EVI5L: variants seen among roughly 807,000 people sequenced by gnomAD.
EVI5L encodes the protein ecotropic viral integration site 5 like, also known as EVI5-like protein.
EVI5L carries 30 observed loss-of-function variants against 106.1 expected under a neutral mutation model. That is an observed-to-expected ratio of 0.28 (90% confidence interval 0.21 to 0.38). The LOEUF (loss-of-function observed/expected upper bound fraction) is 0.38, where lower values mean the gene tolerates loss of function less well. EVI5L is among the 10% of genes least tolerant of loss of function. The pLI, the probability that EVI5L is intolerant of heterozygous loss-of-function variation, is 1.00. For synonymous variants in EVI5L, 489 were observed against 483.3 expected (o/e 1.01, Z -0.15); for missense variants, 809 against 1,098.0 (o/e 0.74, Z 3.72).
At chr19:7,859,126 G>A (rs1568243978) in intron 13 of EVI5L, 1 of 151,746 alleles carries the variant, frequency 6.6e-6, no homozygotes, top group Non-Finnish European at 1.5e-5. Flanking sequence ...GGGAGGTGGA[G>A]GTTGCAGTGA....
rs913406265 is a variant in EVI5L, at chr19:7,850,857, G to T, written c.754-577G>T. 1.3e-5 allele frequency among the ~76,000 whole-genome samples: 2 copies of T among 152,332 alleles called. No individual in the cohort carries two copies. The highest frequency in any genetic ancestry group is 4.8e-5 in the African/African-American group (2 of 41,572). ...ACTCAGGGCGCAGAGAGCCCCTGGC[G>T]CTGGGAGGAAGCCCGGGATCCTAAC... On this transcript the variant is annotated intron_variant, in intron 6 of 19. Transcript: ENST00000538904. The surrounding 1 kb of genome is among the most constrained non-coding windows in gnomAD (Gnocchi z 5.4).
At chr19:7,839,499 T>C (rs186102132) in intron 1 of EVI5L, among the ~76,000 whole-genome samples, 4 of 152,050 alleles carry the variant, frequency 2.6e-5, no homozygotes, top group South Asian at 2.1e-4. Context: ...CATCTCACCA[T>C]TGGGAGCTGC....
intron 10 of EVI5L, 113 bp from the exon 11 acceptor site, chr19:7,855,902 C>A: frequency 1.1e-6 from 1 of 945,574 alleles, no homozygotes; most frequent in Non-Finnish European, 1.4e-6. Context: ...TGTGCCCTGC[C>A]CGGAAAAGTG....
rs1409322948 is a variant in EVI5L, at chr19:7,850,314, T to C, written c.753+192T>C. Among the ~76,000 whole-genome samples, 3 of 152,098 alleles carry C rather than the reference T, an allele frequency of 2.0e-5. No homozygotes were observed. The highest frequency in any genetic ancestry group is 2.9e-5 in the Non-Finnish European group (2 of 68,010). Reference sequence around the variant, plus strand: ...ACTCCAAAAGGCACTCCTCTTTCCATGCAGCACTGCCCTGAAGGATGCTTG... The same window carrying C: ...ACTCCAAAAGGCACTCCTCTTTCCACGCAGCACTGCCCTGAAGGATGCTTG... On this transcript the variant is annotated intron_variant, in intron 6 of 19. Coordinates refer to ENST00000538904, the MANE Select transcript of EVI5L (RefSeq NM_001159944.3). This position sits in a 1 kb window ranked among gnomAD's most constrained non-coding sequence, Gnocchi z 5.4.
Position 7,857,311 on chromosome 19 carries a change from G to A in EVI5L, c.1233+187G>A. 1 of 720,924 alleles carries A rather than the reference G, an allele frequency of 1.4e-6. No individual in the cohort carries two copies. The highest frequency in any genetic ancestry group is 2.4e-6 in the Non-Finnish European group (1 of 421,984). The allele number at this position is 720,924 out of a possible 1,614,324, so 44.7% of individuals were successfully genotyped here. ...CGGGGGGGCGGGGCATGTGAAGTGG[G>A]GAGAAGGGTGTGTGTGGAGGGGCTG... On this transcript the variant is annotated intron_variant, in intron 12 of 19. Coordinates refer to ENST00000538904, the MANE Select transcript of EVI5L (RefSeq NM_001159944.3). The surrounding 1 kb of genome is among the most constrained non-coding windows in gnomAD (Gnocchi z 4.5).
At chr19:7,836,406 C>A (rs1978346575) in intron 1 of EVI5L, among the ~76,000 whole-genome samples, 1 of 152,192 alleles carries the variant, frequency 6.6e-6, no homozygotes, top group Admixed American at 6.5e-5. Flanking sequence ...CACTGAGTAA[C>A]CCCTGCACTT....
chr19:7,841,777 A>T (rs1978611451), intron 1 of EVI5L, among the ~76,000 whole-genome samples: 1 of 152,208 alleles, frequency 6.6e-6, no homozygotes, highest in Non-Finnish European at 1.5e-5. Flanking sequence ...GGAGATGGAG[A>T]TGGGGCCTCC....
chr19:7,833,121 G>A (rs935775142), intron 1 of EVI5L, among the ~76,000 whole-genome samples: 4 of 152,208 alleles, frequency 2.6e-5, no homozygotes, highest in African/African-American at 7.2e-5. Flanking sequence ...AGTTTTACCC[G>A]AGACTGGGCT....
At chr19:7,838,342 C>T (rs1203053978) in intron 1 of EVI5L, among the ~76,000 whole-genome samples, 1 of 152,080 alleles carries the variant, frequency 6.6e-6, no homozygotes, top group African/African-American at 2.4e-5. Context: ...AACTCCTGAC[C>T]TCAAGTGATC....
intron 1 of EVI5L, among the ~76,000 whole-genome samples, chr19:7,830,836 C>T (rs1366063824): frequency 6.8e-6 from 1 of 145,990 alleles, no homozygotes; most frequent in Non-Finnish European, 1.5e-5. Flanking sequence ...ACCCCCTCCC[C>T]GCACCCCCTC....
rs571130180 is a variant in EVI5L at position 7,857,897 on chromosome 19, G to A, written c.1234-294G>A. On this transcript the variant is annotated intron_variant, in intron 12 of 19. Coordinates refer to ENST00000538904, the MANE Select transcript of EVI5L (RefSeq NM_001159944.3). The surrounding 1 kb of genome is among the most constrained non-coding windows in gnomAD (Gnocchi z 4.5). ...GTGGCCTCGCTGTGCCCCTGGATAAGGATCCCAACTGGGGCAGAGACTGAG... is the reference window on the plus strand; with the variant it reads ...GTGGCCTCGCTGTGCCCCTGGATAAAGATCCCAACTGGGGCAGAGACTGAG... The A allele has an allele frequency of 1.0e-5, 4 of 398,728 alleles. No individual in the cohort carries two copies. Among genetic ancestry groups the A allele is most frequent in the African/African-American group, 4.1e-5 (2 of 48,502 alleles). 24.7% of individuals were successfully genotyped at this position (398,728 alleles called of 1,614,324 possible).
At position 7,856,486 on chromosome 19, in the gene EVI5L, G is replaced by A. The variant is rs1422330664; in HGVS notation, c.1200+418G>A. 6.6e-6 allele frequency among the ~76,000 whole-genome samples: 1 copy of A among 152,062 alleles called. No individual in the cohort carries two copies. The highest frequency in any genetic ancestry group is 1.5e-5 in the Non-Finnish European group (1 of 68,010). ...GGAAAGGAAACCCAGTGGAGGAGAA[G>A]CGTGGCGCCATGGTGGGGAGCCACA... is the stretch of plus-strand genomic sequence containing the variant. On this transcript the variant is annotated intron_variant, in intron 11 of 19. Coordinates refer to ENST00000538904, the MANE Select transcript of EVI5L (RefSeq NM_001159944.3). The surrounding 1 kb of genome is among the most constrained non-coding windows in gnomAD (Gnocchi z 6.6).
At position 7,857,926 on chromosome 19, in the gene EVI5L, C is replaced by T; in HGVS notation, c.1234-265C>T. 1 of 468,920 alleles carries T rather than the reference C, an allele frequency of 2.1e-6. No homozygotes were observed. The highest frequency in any genetic ancestry group is 3.9e-6 in the Non-Finnish European group (1 of 259,564). The allele number at this position is 468,920 out of a possible 1,614,324, so 29.0% of individuals were successfully genotyped here. Reference sequence around the variant, plus strand: ...CCCAACTGGGGCAGAGACTGAGAGCCAGAGTGGGGAAGGAGATGGAGCTTT... The same window carrying T: ...CCCAACTGGGGCAGAGACTGAGAGCTAGAGTGGGGAAGGAGATGGAGCTTT... On this transcript the variant is annotated intron_variant, in intron 12 of 19. Transcript: ENST00000538904. This position sits in a 1 kb window ranked among gnomAD's most constrained non-coding sequence, Gnocchi z 4.5.
chr19:7,853,056 G>A, intron 8 of EVI5L, 30 bp from the exon 9 acceptor site: 1 of 1,612,824 alleles, frequency 6.2e-7, no homozygotes, highest in Non-Finnish European at 8.5e-7. Flanking sequence ...CTGCATGTTG[G>A]TGACCAGGTG....
Position 7,853,342 on chromosome 19 carries a change from AG to A in EVI5L, c.1146+13del, listed in dbSNP as rs1254223589. 6.2e-7 allele frequency: 1 copy of A among 1,605,922 alleles called. No homozygotes were observed. The highest frequency in any genetic ancestry group is 8.5e-7 in the Non-Finnish European group (1 of 1,176,956). On this transcript the variant is annotated intron_variant, in intron 10 of 19. Coordinates refer to ENST00000538904, the MANE Select transcript of EVI5L (RefSeq NM_001159944.3). Reference sequence around the variant, plus strand: ...AGCAGATCGAGATCAAAGTGAGTCCAGGGGCCCAGGGGCGGGGACAGGGATG... The same window carrying A: ...AGCAGATCGAGATCAAAGTGAGTCCAGGGCCCAGGGGCGGGGACAGGGATG...
intron 13 of EVI5L, among the ~76,000 whole-genome samples, chr19:7,859,729 C>T (rs1415362045): frequency 6.6e-6 from 1 of 152,260 alleles, no homozygotes; most frequent in East Asian, 1.9e-4. Flanking sequence ...TGAGCTCCAA[C>T]CTTGGGGGGA....
In EVI5L at chr19:7,842,778, G is replaced by A. The variant is rs111400279; in HGVS notation, c.-47-3718G>A. On this transcript the variant is annotated intron_variant, in intron 1 of 19. Transcript: ENST00000538904. ...TGGGTGTGTGTGTATATGAGTGTGC[G>A]TGCACAAATATGCATAAGCATGTGT... 5.8e-3 allele frequency among the ~76,000 whole-genome samples: 886 copies of A among 151,726 alleles called. 4 individuals are homozygous for A. Among genetic ancestry groups the A allele is most frequent in the Middle Eastern group, 0.017 (5 of 294 alleles).
At position 7,843,025 on chromosome 19, in the gene EVI5L, CGTGT is replaced by C. The variant is rs536953317; in HGVS notation, c.-47-3465_-47-3462del. On this transcript the variant is annotated intron_variant, in intron 1 of 19. Coordinates refer to ENST00000538904, the MANE Select transcript of EVI5L (RefSeq NM_001159944.3). ...GTGCATGTGTGTATAGGTGTGTGAG[CGTGT>C]GTGTGAGAGAATAGGCATGGCTGTG... Among the ~76,000 whole-genome samples the C allele has an allele frequency of 1.6e-3, 228 of 143,640 alleles. 2 individuals are homozygous for C. Among genetic ancestry groups the C allele is most frequent in the African/African-American group, 5.2e-3 (200 of 38,560 alleles). 94.2% of individuals were successfully genotyped at this position (143,640 alleles called of 152,430 possible).
intron 1 of EVI5L, among the ~76,000 whole-genome samples, chr19:7,843,824 G>A (rs1401348116): frequency 6.6e-6 from 1 of 152,050 alleles, no homozygotes; most frequent in African/African-American, 2.4e-5. Context: ...GAGTGCATGT[G>A]TGTTGTGCGT....
Sources: allele counts gnomAD v4.1 joint callset (sites outside exome capture counted in the v4.1 genomes callset), GRCh38; gene constraint gnomAD v4.1.1; non-coding constraint Gnocchi (gnomAD v3.1); transcripts MANE v1.5; gene names NCBI Gene and HGNC (gene_info 2026-07-23, HGNC 2026-07-21).